Variants in CDCA2 observed in about 807,000 individuals in gnomAD.
The protein encoded by CDCA2 is cell division cycle associated 2, also known as cell division cycle-associated protein 2.
Under a neutral mutation model 67.0 loss-of-function variants are expected in CDCA2, and 44 were observed. That is an observed-to-expected ratio of 0.66 (90% CI 0.52 to 0.84). The LOEUF (loss-of-function observed/expected upper bound fraction) is 0.84, where lower values mean the gene tolerates loss of function less well. CDCA2 is among the 40% of genes least tolerant of loss of function. The pLI is 0.00. For missense variants in CDCA2, 1,253 were observed against 1,203.2 expected (o/e 1.04, Z -0.61); for synonymous variants, 447 against 418.7 (o/e 1.07, Z -0.82).
Position 25,507,139 on chromosome 8 carries a change from A to G in CDCA2, c.2473A>G (p.Arg825Gly). ...GGAAAGTAGCAGTGTTGTGAGTTGCAGAGACAGGAAAGATAGAAGACGTTC... is the reference window on the plus strand; with the variant it reads ...GGAAAGTAGCAGTGTTGTGAGTTGCGGAGACAGGAAAGATAGAAGACGTTC... ...PMESSSVVSC[R>G]DRKDRRRSMC... is the part of the protein sequence containing the mutation. The change falls in exon 15 of 15, where the codon AGA (arginine) becomes GGA (glycine). Residue 825 changes from arginine (R) to glycine (G), a missense_variant. By Grantham distance (125) the Arg-to-Gly change is moderately radical. Coordinates refer to ENST00000330560, the MANE Select transcript of CDCA2 (RefSeq NM_152562.4). The G allele has an allele frequency of 6.2e-7, 1 of 1,614,228 alleles. No homozygotes were observed. The highest frequency in any genetic ancestry group is 8.5e-7 in the Non-Finnish European group (1 of 1,180,044).
chr8:25,488,834 T>TG lies in CDCA2; in HGVS notation c.1671+152dup, dbSNP rs925757203. The TG allele has an allele frequency of 1.6e-4, 93 of 567,550 alleles. 2 individuals carry two copies. Among genetic ancestry groups the TG allele is most frequent in the South Asian group, 1.6e-3 (64 of 40,494 alleles). The allele number at this position is 567,550 out of a possible 1,614,324, so 35.2% of individuals were successfully genotyped here. A position where few individuals can be genotyped will look rare whatever the true frequency, so the allele number is the denominator to read the frequency against. On this transcript the variant is annotated intron_variant, in intron 13 of 14. Coordinates refer to ENST00000330560, the MANE Select transcript of CDCA2 (RefSeq NM_152562.4). Reference sequence around the variant, plus strand: ...AATCTTACCGTGGAGTAGAATGGGGTGGGGGGGTTATGTACTTAACTCTGA... The same window carrying TG: ...AATCTTACCGTGGAGTAGAATGGGGTGGGGGGGGTTATGTACTTAACTCTGA...
At chr8:25,499,026 G>A (rs1237692238) in intron 13 of CDCA2, among the ~76,000 whole-genome samples, 1 of 152,188 alleles carries the variant, frequency 6.6e-6, no homozygotes, top group African/African-American at 2.4e-5. Flanking sequence ...TCTGGGGTTA[G>A]GGGAGTATAG....
In CDCA2 at chr8:25,484,227, T is replaced by C. The variant is rs375160402; in HGVS notation, c.1365+17T>C. ...GAGAATCTTGTAAGTATGAAAAGCGTGGAACAAGCTTGCCATATGTATTTT... is the reference window on the plus strand; with the variant it reads ...GAGAATCTTGTAAGTATGAAAAGCGCGGAACAAGCTTGCCATATGTATTTT... On this transcript the variant is annotated intron_variant, in intron 10 of 14. Transcript: ENST00000330560. 484 of 1,610,656 alleles carry C rather than the reference T, an allele frequency of 3.0e-4. 1 individual carries two copies. Among genetic ancestry groups the C allele is most frequent in the Non-Finnish European group, 4.0e-4 (475 of 1,177,340 alleles).
chr8:25,461,870 G>T (rs542701243), intron 3 of CDCA2, among the ~76,000 whole-genome samples, 184 bp from the exon 4 acceptor site: 1 of 152,300 alleles, frequency 6.6e-6, no homozygotes, highest in South Asian at 2.1e-4. Context: ...GACTAAGTCA[G>T]CAGACAAAAA....
rs142912595 is a variant in CDCA2 at position 25,483,977 on chromosome 8, A to G, written c.1132A>G (p.Asn378Asp). 1.2e-6 allele frequency: 2 copies of G among 1,612,918 alleles called. No homozygotes were observed. Among genetic ancestry groups the G allele is most frequent in the Non-Finnish European group, 1.7e-6 (2 of 1,179,420 alleles). Reference protein sequence around the residue: ...CKEKEAEDEENFEAPAFLNMR... With the variant: ...CKEKEAEDEEDFEAPAFLNMR... ...TTGTCTAATTATAGAAGATGAAGAA[A>G]ATTTTGAAGCACCTGCCTTTCTAAA... The change falls in exon 10 of 15, where the codon AAT (asparagine) becomes GAT (aspartate). Residue 378 changes from asparagine to aspartate, a missense_variant. Physicochemically the swap from Asn to Asp is conservative, Grantham distance 23 (BLOSUM62 1). Coordinates refer to ENST00000330560, the MANE Select transcript of CDCA2 (RefSeq NM_152562.4).
chr8:25,487,165 T>C lies in CDCA2; in HGVS notation c.1445-81T>C, dbSNP rs1022562449. The C allele has an allele frequency of 6.8e-5, 58 of 856,482 alleles. No homozygotes were observed. In the Middle Eastern group the frequency reaches 9.4e-4, roughly 14 times the overall value. 53.1% of individuals were successfully genotyped at this position (856,482 alleles called of 1,614,324 possible). A position where few individuals can be genotyped will look rare whatever the true frequency, so the allele number is the denominator to read the frequency against. ...GATATGGTATTAAAGGTGGATATCC[T>C]AAACACAGTGTTTCCAAAGGAAGAT... On this transcript the variant is annotated intron_variant, in intron 11 of 14. Coordinates refer to ENST00000330560, the MANE Select transcript of CDCA2 (RefSeq NM_152562.4).
intron 7 of CDCA2, among the ~76,000 whole-genome samples, chr8:25,478,039 A>T (rs546055452): frequency 1.7e-4 from 25 of 147,620 alleles, no homozygotes; most frequent in Non-Finnish European, 3.4e-4. Context: ...GAGTCCTCCT[A>T]CCTCAGCCTT....
rs901039693 is a variant in CDCA2 at position 25,507,180 on chromosome 8, T to C, written c.2514T>C (p.Asp838=). The change falls in exon 15 of 15, where the codon GAT becomes GAC. Residue 838 remains aspartate, a synonymous_variant. Transcript: ENST00000330560. ...GAAGACGTTCCATGTGTTATTCTGA[T>C]GGTCGAAGTTTACATTTGGAAAAAA... ...KDRRRSMCYS[D]GRSLHLEKNG... The C allele has an allele frequency of 1.9e-5, 31 of 1,614,212 alleles. No individual in the cohort carries two copies. The highest frequency in any genetic ancestry group is 2.6e-5 in the Non-Finnish European group (31 of 1,180,030).
chr8:25,461,050 C>T (rs1043231167), intron 3 of CDCA2, among the ~76,000 whole-genome samples: 13 of 151,948 alleles, frequency 8.6e-5, no homozygotes, highest in South Asian at 6.2e-4. Context: ...GGCAGATCAC[C>T]GGAGGTCAGG....
intron 8 of CDCA2, 66 bp from the exon 9 acceptor site, chr8:25,483,333 G>A (rs555211292): frequency 1.1e-5 from 11 of 1,029,448 alleles, no homozygotes; most frequent in African/African-American, 6.7e-5. Flanking sequence ...CAAAACTGCT[G>A]TTCTTAATGA....
Position 25,506,891 on chromosome 8 carries a change from G to A in CDCA2, c.2225G>A (p.Gly742Asp), listed in dbSNP as rs537909463. Residue 742 changes from glycine (G) to aspartate (D), a missense_variant, in exon 15 of 15, where the codon GGT becomes GAT. Transcript: ENST00000330560. ...TLQQGQEFSA[G>D]GQNAENLCQF... Reference sequence around the variant, plus strand: ...CAGCAGGGTCAAGAATTTTCTGCTGGTGGTCAAAATGCAGAAAACCTTTGT... The same window carrying A: ...CAGCAGGGTCAAGAATTTTCTGCTGATGGTCAAAATGCAGAAAACCTTTGT... 1 of 1,611,830 alleles carries A rather than the reference G, an allele frequency of 6.2e-7. No homozygotes were observed. Among genetic ancestry groups the A allele is most frequent in the South Asian group, 1.1e-5 (1 of 90,652 alleles).
chr8:25,503,600 T>G (rs771506501), intron 14 of CDCA2, 56 bp downstream of exon 14: 1 of 1,523,278 alleles, frequency 6.6e-7, no homozygotes, highest in South Asian at 1.3e-5. Flanking sequence ...ACCCTCTTTG[T>G]TGCTATTTTA....
chr8:25,462,836 T>C (rs1321133751), intron 4 of CDCA2, among the ~76,000 whole-genome samples: 1 of 152,060 alleles, frequency 6.6e-6, no homozygotes, highest in Non-Finnish European at 1.5e-5. Flanking sequence ...GCCACAGCAA[T>C]GGGCTAATTA....
chr8:25,478,446 G>A (rs140111469), intron 7 of CDCA2, among the ~76,000 whole-genome samples: 1 of 152,200 alleles, frequency 6.6e-6, no homozygotes, highest in East Asian at 1.9e-4. Flanking sequence ...TTTTCACACA[G>A]TAGCCAGAGC....
intron 4 of CDCA2, 142 bp from the exon 5 acceptor site, chr8:25,466,033 C>T: frequency 1.7e-6 from 1 of 602,948 alleles, no homozygotes; most frequent in Non-Finnish European, 2.6e-6. Context: ...GGTGAAGAAG[C>T]TCTGCCACAC....
intron 10 of CDCA2, 48 bp downstream of exon 10, chr8:25,484,258 G>A: frequency 6.3e-7 from 1 of 1,595,514 alleles, no homozygotes; most frequent in Non-Finnish European, 8.6e-7. Flanking sequence ...ATTTTCATCA[G>A]GCTTCACCTG....
At chr8:25,466,674 G>A (rs549375545) in intron 5 of CDCA2, among the ~76,000 whole-genome samples, 358 of 152,100 alleles carry the variant, frequency 2.4e-3, no homozygotes, top group African/African-American at 8.4e-3. Flanking sequence ...TATTAAGCTC[G>A]GCAAGCATTT....
At chr8:25,463,122 A>G (rs887459343) in intron 4 of CDCA2, among the ~76,000 whole-genome samples, 2 of 152,066 alleles carry the variant, frequency 1.3e-5, no homozygotes, top group African/African-American at 4.8e-5. Flanking sequence ...TCTCTAAGTT[A>G]CTGATTTTTT....
intron 7 of CDCA2, among the ~76,000 whole-genome samples, chr8:25,474,960 A>T (rs1803288731): frequency 6.6e-6 from 1 of 152,138 alleles, no homozygotes; most frequent in African/African-American, 2.4e-5. Context: ...GCAGGGACAG[A>T]TGCTCCTTCC....
Sources: allele counts gnomAD v4.1 joint callset (sites outside exome capture counted in the v4.1 genomes callset), GRCh38; gene constraint gnomAD v4.1.1; transcripts MANE v1.5; gene names NCBI Gene and HGNC (gene_info 2026-07-23, HGNC 2026-07-21).